Variants in DACH2 observed in about 807,000 individuals in gnomAD.
The protein encoded by DACH2 is dachshund homolog 2.
In DACH2, 17 loss-of-function variants were observed where a neutral mutation model predicts 35.8. That is an observed-to-expected ratio of 0.48 (90% CI 0.33 to 0.71). DACH2 has a LOEUF of 0.71. Among genes scored for constraint, DACH2 ranks in the 30% least tolerant of loss-of-function variants. The pLI is 0.02. For synonymous variants in DACH2, 195 were observed against 177.3 expected (o/e 1.10, Z -0.79); for missense variants, 469 against 472.7 (o/e 0.99, Z 0.07).
intron 3 of DACH2, among the ~76,000 whole-genome samples, chrX:86,566,565 G>A (rs751004206): frequency 9.0e-6 from 1 of 111,419 alleles, no homozygotes; most frequent in Admixed American, 9.6e-5. Flanking sequence ...TTGTGTAGGA[G>A]CATCATACAT....
intron 2 of DACH2, among the ~76,000 whole-genome samples, chrX:86,486,110 C>T (rs1361360731): frequency 3.6e-5 from 4 of 110,938 alleles, no homozygotes; most frequent in Non-Finnish European, 7.6e-5. Flanking sequence ...CCCACCATAC[C>T]CTCATTTTTA....
chrX:86,716,863 A>G (rs1346544831), intron 6 of DACH2, among the ~76,000 whole-genome samples: 1 of 111,956 alleles, frequency 8.9e-6, no homozygotes, highest in Non-Finnish European at 1.9e-5. Context: ...AGGGCTTATT[A>G]GTCTATTTCA....
At chrX:86,508,283 G>A (rs912337826) in intron 2 of DACH2, among the ~76,000 whole-genome samples, 5 of 111,378 alleles carry the variant, frequency 4.5e-5, no homozygotes, top group African/African-American at 6.5e-5. Flanking sequence ...GTGCGGCTGG[G>A]CGAAGTGACT....
chrX:86,632,191 G>T (rs760006217), intron 3 of DACH2, among the ~76,000 whole-genome samples: 1 of 110,655 alleles, frequency 9.0e-6, no homozygotes, highest in Admixed American at 9.7e-5. Context: ...ATGAATTTTG[G>T]TATTAGTAAA....
chrX:86,425,278 G>A (rs1016369426), intron 2 of DACH2, among the ~76,000 whole-genome samples: 5 of 110,241 alleles, frequency 4.5e-5, no homozygotes, highest in Non-Finnish European at 7.6e-5. Context: ...TAAATGTTTG[G>A]TAGAATTCAG....
intron 1 of DACH2, among the ~76,000 whole-genome samples, chrX:86,167,000 G>A (rs186401451): frequency 2.1e-3 from 236 of 111,406 alleles, no homozygotes; most frequent in African/African-American, 7.4e-3. Context: ...ATTCATAGGA[G>A]ATATTGGATT....
intron 1 of DACH2, among the ~76,000 whole-genome samples, chrX:86,334,501 A>G (rs1477626544): frequency 1.8e-5 from 2 of 112,202 alleles, no homozygotes; most frequent in Admixed American, 1.9e-4. Context: ...CATTTCTCTA[A>G]TGACCACAGA....
chrX:86,179,773 A>G (rs1011907888), intron 1 of DACH2, among the ~76,000 whole-genome samples: 2 of 111,240 alleles, frequency 1.8e-5, no homozygotes, highest in Admixed American at 2.0e-4. Context: ...CGGTAAAGCA[A>G]TGAGATTGCA....
chrX:86,426,013 C>T (rs1238054283), intron 2 of DACH2, among the ~76,000 whole-genome samples: 1 of 111,267 alleles, frequency 9.0e-6, no homozygotes, highest in East Asian at 2.8e-4. Context: ...GTTTGCATTA[C>T]TGAAACCGCA....
intron 4 of DACH2, among the ~76,000 whole-genome samples, chrX:86,687,345 C>T (rs1483026746): frequency 6.3e-5 from 7 of 111,183 alleles, no homozygotes; most frequent in African/African-American, 2.3e-4. Flanking sequence ...CAATGAGATA[C>T]CATCTCACAC....
chrX:86,175,301 A>G (rs1189247267), intron 1 of DACH2, among the ~76,000 whole-genome samples: 1 of 112,473 alleles, frequency 8.9e-6, no homozygotes, highest in Non-Finnish European at 1.9e-5. Flanking sequence ...GCTGTTAATA[A>G]GTCACATGAG....
At chrX:86,248,559 G>A (rs903823500) in intron 1 of DACH2, among the ~76,000 whole-genome samples, 3 of 111,119 alleles carry the variant, frequency 2.7e-5, no homozygotes, top group Non-Finnish European at 3.8e-5. Flanking sequence ...ACACACAAAT[G>A]GAGAAACACA....
rs369905134 is a variant in DACH2, at chrX:86,440,215, G to A, written c.527+63353G>A. On this transcript the variant is annotated intron_variant, in intron 2 of 11. Coordinates refer to ENST00000373125, the MANE Select transcript of DACH2 (RefSeq NM_053281.3). ...AGATCTGTCCATATCTGATAGACGG[G>A]TGTTAGAGTCTCCTGCTCTAATAGT... Among the ~76,000 whole-genome samples the A allele has an allele frequency of 2.7e-4, 30 of 111,310 alleles. No homozygotes were observed. The East Asian group carries it at 3.4e-3, about 13-fold the overall frequency.
At chrX:86,446,310 A>G (rs1435292367) in intron 2 of DACH2, among the ~76,000 whole-genome samples, 1 of 71,478 alleles carries the variant, frequency 1.4e-5, no homozygotes, top group African/African-American at 6.5e-5. Flanking sequence ...TTTTTTTATT[A>G]TACTCTAAGT....
intron 2 of DACH2, among the ~76,000 whole-genome samples, chrX:86,381,636 T>C (rs1286202382): frequency 1.8e-5 from 2 of 110,998 alleles, no homozygotes; most frequent in African/African-American, 6.5e-5. Context: ...ATCTCTTAGA[T>C]AAATAGTATA....
intron 7 of DACH2, among the ~76,000 whole-genome samples, chrX:86,761,998 A>G (rs1347296715): frequency 3.6e-5 from 4 of 110,857 alleles, no homozygotes; most frequent in African/African-American, 9.9e-5. Context: ...GGTCTGGTCT[A>G]TTCGAGGGGT....
intron 6 of DACH2, among the ~76,000 whole-genome samples, chrX:86,729,520 A>G (rs1253383709): frequency 7.2e-5 from 8 of 111,549 alleles, no homozygotes; most frequent in Admixed American, 6.7e-4. Flanking sequence ...GCATGATTGT[A>G]TTTTGCAATG....
chrX:86,148,517 G>A lies in DACH2; in HGVS notation c.-104G>A. Reference sequence around the variant, plus strand: ...TGCGAACAGTTCGGAGCCAGCGAGAGCGCGCCAGAGAGAGCGAGAGTGAGG... The same window carrying A: ...TGCGAACAGTTCGGAGCCAGCGAGAACGCGCCAGAGAGAGCGAGAGTGAGG... On this transcript the variant is annotated 5_prime_UTR_variant, in exon 1 of 12. Transcript: ENST00000373125. The A allele has an allele frequency of 3.2e-6, 3 of 948,844 alleles. No individual in the cohort carries two copies. Among genetic ancestry groups the A allele is most frequent in the Non-Finnish European group, 4.2e-6 (3 of 706,159 alleles). The allele number at this position is 948,844 out of a possible 1,213,427, so 78.2% of individuals were successfully genotyped here.
intron 2 of DACH2, among the ~76,000 whole-genome samples, chrX:86,479,304 G>C (rs1459752770): frequency 9.0e-6 from 1 of 110,516 alleles, no homozygotes; most frequent in African/African-American, 3.3e-5. Context: ...TGCAACATTT[G>C]GGCGTGAAAA....
Sources: gnomAD v4.1 joint callset for allele counts (sites outside exome capture counted in the v4.1 genomes callset) on GRCh38, gnomAD v4.1.1 for gene constraint, MANE v1.5 for transcripts, NCBI Gene and HGNC (gene_info 2026-07-23, HGNC 2026-07-21) for gene names.